Variants in NBPF3 observed in about 807,000 individuals in gnomAD.
NBPF3 encodes NBPF member 3.
Under a neutral mutation model 78.1 loss-of-function variants are expected in NBPF3, and 57 were observed. That is an observed-to-expected ratio of 0.73 (90% confidence interval 0.59 to 0.91). NBPF3 has a LOEUF of 0.91. NBPF3 is among the 40% of genes least tolerant of loss of function. The pLI is 0.00. For missense variants in NBPF3, 510 were observed against 715.3 expected, an observed-to-expected ratio of 0.71 and a Z score of 3.27; for synonymous variants, 182 against 271.7, an observed-to-expected ratio of 0.67 and a Z score of 3.25.
At chr1:21,475,802 G>A (rs1159437179) in intron 8 of NBPF3, among the ~76,000 whole-genome samples, 2 of 152,142 alleles carry the variant, frequency 1.3e-5, no homozygotes, top group Non-Finnish European at 2.9e-5. Flanking sequence ...TTGGTGCAGA[G>A]CTGAGTTCAA....
rs182527032 is a variant in NBPF3, at chr1:21,473,904, G to A, written c.940+319G>A. Among the ~76,000 whole-genome samples, 170 of 152,300 alleles carry A rather than the reference G, an allele frequency of 1.1e-3. 4 individuals carry two copies. The East Asian group carries it at 0.027, about 24-fold the overall frequency. On this transcript the variant is annotated intron_variant, in intron 7 of 14. Coordinates refer to ENST00000318249, the MANE Select transcript of NBPF3 (RefSeq NM_032264.6). ...ACCTGTGATTAAGTCGTCTGTCCCT[G>A]AACAATGTCCATGAAATTTCTCTGC... is the stretch of plus-strand genomic sequence containing the variant.
intron 14 of NBPF3, 36 bp from the exon 15 acceptor site, chr1:21,483,107 C>A (rs549722686): frequency 6.2e-7 from 1 of 1,612,084 alleles, no homozygotes; most frequent in Non-Finnish European, 8.5e-7. Context: ...GTCTGATTTT[C>A]CCTGGCTGCT....
At chr1:21,437,494 G>A (rs1303432941), upstream of NBPF3, 19 of 1,463,438 alleles carry the variant, frequency 1.3e-5, no homozygotes, top group Admixed American at 3.9e-4. Flanking sequence ...CCCAGCGCGA[G>A]GTGCAGCGGC....
chr1:21,480,777 A>G (rs921853381), intron 11 of NBPF3, among the ~76,000 whole-genome samples, 153 bp from the exon 12 acceptor site: 3 of 150,316 alleles, frequency 2.0e-5, no homozygotes, highest in African/African-American at 7.3e-5. Flanking sequence ...CTCTATCATG[A>G]CCAGCTTTGA....
intron 8 of NBPF3, among the ~76,000 whole-genome samples, chr1:21,475,578 T>A (rs113080621): frequency 3.3e-5 from 5 of 152,312 alleles, no homozygotes; most frequent in African/African-American, 1.2e-4. Flanking sequence ...TTTGAGTGAG[T>A]TTCTTAATCC....
chr1:21,477,314 T>C (rs942574591), intron 8 of NBPF3, among the ~76,000 whole-genome samples: 3 of 152,218 alleles, frequency 2.0e-5, no homozygotes, highest in African/African-American at 4.8e-5. Context: ...CTTTGTTCCA[T>C]TGCTGGTGAG....
chr1:21,459,808 T>A, intron 2 of NBPF3: 1 of 289,612 alleles, frequency 3.5e-6, no homozygotes, highest in South Asian at 4.1e-5. Flanking sequence ...GCTCCACCGA[T>A]GCTCTTCGTT....
intron 2 of NBPF3, chr1:21,451,863 C>T: frequency 1.2e-6 from 1 of 864,288 alleles, no homozygotes; most frequent in Non-Finnish European, 1.4e-6. Flanking sequence ...GTGTTAATGC[C>T]ATGAAGCAGC....
At chr1:21,482,095 T>C (rs977440339) in intron 13 of NBPF3, among the ~76,000 whole-genome samples, 1 of 150,666 alleles carries the variant, frequency 6.6e-6, no homozygotes, top group Non-Finnish European at 1.5e-5. Flanking sequence ...CTCACTCTAA[T>C]TTCAGTGTCT....
chr1:21,446,297 G>A (rs1432938586), intron 2 of NBPF3: 1 of 152,254 alleles, frequency 6.6e-6, no homozygotes, highest in Non-Finnish European at 1.5e-5. Context: ...AATTTCAGAG[G>A]AGGAGGAAGG....
chr1:21,469,508 C>T (rs548864775), intron 3 of NBPF3, among the ~76,000 whole-genome samples: 18 of 152,158 alleles, frequency 1.2e-4, no homozygotes, highest in East Asian at 9.7e-4. Context: ...GGGTAGAGCA[C>T]GAGGTCAGGA....
chr1:21,443,933 T>C (rs1640811995), intron 1 of NBPF3, among the ~76,000 whole-genome samples: 1 of 152,240 alleles, frequency 6.6e-6, no homozygotes, highest in Non-Finnish European at 1.5e-5. Context: ...ATAATTTTTA[T>C]GTTTTTCTAA....
chr1:21,457,352 A>G (rs201144924), intron 2 of NBPF3, among the ~76,000 whole-genome samples: 108 of 144,196 alleles, frequency 7.5e-4, no homozygotes, highest in African/African-American at 2.6e-3. Flanking sequence ...GTGTGTGTAT[A>G]TATATATATA....
upstream of NBPF3, among the ~76,000 whole-genome samples, chr1:21,437,955 G>C (rs371326235): frequency 6.6e-6 from 1 of 152,058 alleles, no homozygotes; most frequent in South Asian, 2.1e-4. Context: ...CCGAGTAGCT[G>C]GGATTACAGG....
chr1:21,437,416 A>G, upstream of NBPF3: 1 of 1,158,948 alleles, frequency 8.6e-7, no homozygotes, highest in Non-Finnish European at 1.2e-6. Flanking sequence ...TCTCAAACGT[A>G]GGCCTAGAGG....
intron 4 of NBPF3, 68 bp downstream of exon 4, chr1:21,470,802 A>G (rs543635152): frequency 1.9e-6 from 2 of 1,057,718 alleles, no homozygotes; most frequent in African/African-American, 3.2e-5. Context: ...GCAGCTCGGC[A>G]GGGAGAACTA....
At chr1:21,474,027 C>G (rs1206191681) in intron 7 of NBPF3, among the ~76,000 whole-genome samples, 2 of 152,140 alleles carry the variant, frequency 1.3e-5, no homozygotes, top group Non-Finnish European at 2.9e-5. Flanking sequence ...TTTGAGTCTG[C>G]TTGGTTAGCT....
chr1:21,448,357 C>T (rs1277913133), intron 2 of NBPF3, among the ~76,000 whole-genome samples: 1 of 151,418 alleles, frequency 6.6e-6, no homozygotes, highest in Non-Finnish European at 1.5e-5. Flanking sequence ...TGTGTTTGTC[C>T]AGCTGTTCTA....
chr1:21,470,758 G>T, intron 4 of NBPF3, 24 bp downstream of exon 4: 1 of 1,473,656 alleles, frequency 6.8e-7, no homozygotes, highest in South Asian at 1.1e-5. Context: ...CTGGGGTCAG[G>T]CAGGTGGGCA....
Sources: allele counts gnomAD v4.1 joint callset (sites outside exome capture counted in the v4.1 genomes callset), GRCh38; gene constraint gnomAD v4.1.1; transcripts MANE v1.5; gene names NCBI Gene and HGNC (gene_info 2026-07-23, HGNC 2026-07-21).